Variants in SCD5 observed in about 807,000 individuals in gnomAD.
SCD5 encodes the protein acyl-CoA-desaturase 4.
Under a neutral mutation model 30.4 loss-of-function variants are expected in SCD5, and 20 were observed. That is an observed-to-expected ratio of 0.66 (90% CI 0.46 to 0.96). The LOEUF is 0.96. SCD5 is among the 40% of genes least tolerant of loss of function. The pLI is 0.00. For missense variants in SCD5, 381 were observed against 443.3 expected (o/e 0.86, Z 1.26); for synonymous variants, 173 against 176.4 (o/e 0.98, Z 0.16).
At chr4:82,661,203 C>G (rs1727997330) in intron 3 of SCD5, 2 of 785,284 alleles carry the variant, frequency 2.5e-6, no homozygotes, top group African/African-American at 1.7e-5. Flanking sequence ...ATCTAATCAT[C>G]CCTTGACACA....
intron 1 of SCD5, among the ~76,000 whole-genome samples, chr4:82,795,137 T>C (rs1174065299): frequency 6.6e-6 from 1 of 152,174 alleles, no homozygotes; most frequent in African/African-American, 2.4e-5. Flanking sequence ...GGATGACATT[T>C]TACCACCACA....
intron 3 of SCD5, among the ~76,000 whole-genome samples, chr4:82,676,545 G>A (rs1231705280): frequency 6.6e-6 from 1 of 152,214 alleles, no homozygotes; most frequent in Admixed American, 6.5e-5. Flanking sequence ...CACTCTTCAG[G>A]CCTAGGCTCT....
At chr4:82,773,376 C>CT (rs1164590938) in intron 1 of SCD5, among the ~76,000 whole-genome samples, 1 of 152,206 alleles carries the variant, frequency 6.6e-6, no homozygotes, top group Non-Finnish European at 1.5e-5. Context: ...TCCTGCCTCT[C>CT]TTTGTCTCCT....
intron 1 of SCD5, among the ~76,000 whole-genome samples, chr4:82,767,236 G>A: frequency 6.7e-6 from 1 of 150,074 alleles, no homozygotes; most frequent in East Asian, 2.0e-4. Context: ...TTTTCCCTCT[G>A]TCTCTCTCTC....
chr4:82,722,786 G>A lies in SCD5; in HGVS notation c.233-17373C>T, dbSNP rs182052749. On this transcript the variant is annotated intron_variant, in intron 1 of 4. Coordinates refer to ENST00000319540, the MANE Select transcript of SCD5 (RefSeq NM_001037582.3). ...ATCTCAAAAAAAAAAAAGTATTCTC[G>A]GCTGGGCTCAGTAGCTCACGCATGT... Among the ~76,000 whole-genome samples, 273 of 148,066 alleles carry A rather than the reference G, an allele frequency of 1.8e-3. 1 individual carries two copies. Among genetic ancestry groups the A allele is most frequent in the African/African-American group, 6.3e-3 (251 of 39,966 alleles).
chr4:82,781,143 G>C (rs544687277), intron 1 of SCD5, among the ~76,000 whole-genome samples: 1 of 152,164 alleles, frequency 6.6e-6, no homozygotes, highest in Non-Finnish European at 1.5e-5. Context: ...GGCCGGGCGT[G>C]GTGGCTCATG....
chr4:82,774,441 G>A (rs1578063040), intron 1 of SCD5, among the ~76,000 whole-genome samples: 1 of 152,134 alleles, frequency 6.6e-6, no homozygotes, highest in African/African-American at 2.4e-5. Context: ...AGGCTGAAAG[G>A]CTATAGCCCA....
At chr4:82,764,432 ATTAG>A (rs1721444212) in intron 1 of SCD5, among the ~76,000 whole-genome samples, 1 of 152,034 alleles carries the variant, frequency 6.6e-6, no homozygotes, top group Non-Finnish European at 1.5e-5. Flanking sequence ...CTTTCTGTGA[ATTAG>A]TTGAGCATTT....
Position 82,631,396 on chromosome 4 carries a change from A to C in SCD5, c.924T>G (p.Thr308=), listed in dbSNP as rs770625264. 2.5e-5 allele frequency: 41 copies of C among 1,614,004 alleles called. No individual in the cohort carries two copies. The highest frequency in any genetic ancestry group is 8.3e-5 in the Admixed American group (5 of 60,002). Residue 308 remains threonine (T), a synonymous_variant, in exon 5 of 5, where the codon ACT becomes ACG. Coordinates refer to ENST00000319540, the MANE Select transcript of SCD5 (RefSeq NM_001037582.3). ...IDFMCWLGLA[T]DRKRATKPMI... ...TCGGCTTGGTTGCCCGTTTGCGGTC[A>C]GTGGCCAGCCCCAGCCAGCACATGA... is the stretch of plus-strand genomic sequence containing the variant.
At chr4:82,787,863 T>G (rs1722018796) in intron 1 of SCD5, among the ~76,000 whole-genome samples, 1 of 152,122 alleles carries the variant, frequency 6.6e-6, no homozygotes, top group Non-Finnish European at 1.5e-5. Flanking sequence ...ACCCTCATTC[T>G]CTACAAAAAT....
intron 1 of SCD5, among the ~76,000 whole-genome samples, chr4:82,794,481 C>G (rs1166846709): frequency 6.6e-6 from 1 of 152,164 alleles, no homozygotes; most frequent in Non-Finnish European, 1.5e-5. Flanking sequence ...AGCCCCAGGA[C>G]TCACACGTCC....
chr4:82,631,060 G>A lies in SCD5; in HGVS notation c.*267C>T, dbSNP rs758987370. The A allele has an allele frequency of 4.8e-5, 13 of 269,212 alleles. No homozygotes were observed. Among genetic ancestry groups the A allele is most frequent in the Non-Finnish European group, 8.4e-5 (12 of 143,172 alleles). 16.7% of individuals were successfully genotyped at this position (269,212 alleles called of 1,614,324 possible). The stretch of plus-strand genomic sequence containing the variant: ...AGGTAGGTGGAGGCTGCAGTGAGCC[G>A]AGACTGCGCCACTGCACTCCAGCCT... On this transcript the variant is annotated 3_prime_UTR_variant, in exon 5 of 5. Transcript: ENST00000319540.
intron 2 of SCD5, among the ~76,000 whole-genome samples, chr4:82,681,305 T>A (rs1728567991): frequency 6.6e-6 from 1 of 152,158 alleles, no homozygotes; most frequent in Admixed American, 6.5e-5. Context: ...CATACCACAT[T>A]TTCTTTATCC....
chr4:82,636,653 T>C lies in SCD5; in HGVS notation c.740A>G (p.Asn247Ser). The C allele has an allele frequency of 6.2e-7, 1 of 1,614,074 alleles. No homozygotes were observed. Among genetic ancestry groups the C allele is most frequent in the Admixed American group, 1.7e-5 (1 of 60,020 alleles). Residue 247 changes from asparagine (N) to serine (S), a missense_variant, in exon 4 of 5, where the codon AAC (asparagine) becomes AGC (serine). Coordinates refer to ENST00000319540, the MANE Select transcript of SCD5 (RefSeq NM_001037582.3). ...LVNSAAHMYGNRPYDKHISPR... is the reference protein window; with the variant it reads ...LVNSAAHMYGSRPYDKHISPR... Reference sequence around the variant, plus strand: ...GCTGATGTGCTTGTCATAGGGCCGGTTTCCATACATGTGGGCGGCGCTGTT... The same window carrying C: ...GCTGATGTGCTTGTCATAGGGCCGGCTTCCATACATGTGGGCGGCGCTGTT...
chr4:82,753,455 A>C (rs1415977923), intron 1 of SCD5: 1 of 509,002 alleles, frequency 2.0e-6, no homozygotes, highest in East Asian at 5.9e-5. Flanking sequence ...AGTGCGCCCC[A>C]GAGTCACGCG....
intron 2 of SCD5, among the ~76,000 whole-genome samples, chr4:82,690,198 T>C (rs916157336): frequency 2.6e-5 from 4 of 152,148 alleles, no homozygotes; most frequent in Non-Finnish European, 4.4e-5. Flanking sequence ...ACTGAGGTAT[T>C]TGGGAATAAA....
chr4:82,692,622 G>A (rs1017388556), intron 2 of SCD5, among the ~76,000 whole-genome samples: 4 of 152,342 alleles, frequency 2.6e-5, no homozygotes, highest in Admixed American at 2.0e-4. Flanking sequence ...CAGCCAGGCC[G>A]ACACTTGGCT....
At chr4:82,753,300 T>C (rs768356856) in intron 1 of SCD5, 1 of 511,546 alleles carries the variant, frequency 2.0e-6, no homozygotes, top group Admixed American at 2.0e-5. Flanking sequence ...TGTTAAAAGC[T>C]CCCTGGGGTG....
chr4:82,798,616 G>A lies in SCD5; in HGVS notation c.-79C>T. On this transcript the variant is annotated 5_prime_UTR_variant, in exon 1 of 5. Coordinates refer to ENST00000319540, the MANE Select transcript of SCD5 (RefSeq NM_001037582.3). ...GAGCGGAGCTCGAGGGTGGGGGCGG[G>A]GGCTTCTGCCTTTTAGGGGGGAATT... is the stretch of plus-strand genomic sequence containing the variant. 1 of 1,302,874 alleles carries A rather than the reference G, an allele frequency of 7.7e-7. No homozygotes were observed. Among genetic ancestry groups the A allele is most frequent in the Middle Eastern group, 2.5e-4 (1 of 3,952 alleles). 80.7% of individuals were successfully genotyped at this position (1,302,874 alleles called of 1,614,324 possible). A position where few individuals can be genotyped will look rare whatever the true frequency, so the allele number is the denominator to read the frequency against.
Sources: gnomAD v4.1 joint callset for allele counts (sites outside exome capture counted in the v4.1 genomes callset) on GRCh38, gnomAD v4.1.1 for gene constraint, MANE v1.5 for transcripts, NCBI Gene and HGNC (gene_info 2026-07-23, HGNC 2026-07-21) for gene names.